The following LAMA2 variants were observed in gnomAD, a reference collection of about 807,000 sequenced individuals.
LAMA2 encodes the protein laminin subunit alpha 2.
LAMA2 carries 269 observed loss-of-function variants against 364.8 expected under a neutral mutation model. The observed-to-expected ratio is 0.74, with a 90% CI of 0.67 to 0.82. The LOEUF is 0.82. Ranked by LOEUF, LAMA2 falls within the 40% of genes least tolerant of loss-of-function variation. The pLI is 0.00. For synonymous variants in LAMA2, 1,379 were observed against 1,370.6 expected (o/e 1.01, Z -0.14); for missense variants, 3,807 against 3,873.2 (o/e 0.98, Z 0.45).
chr6:129,421,423 A>G (rs900370297), intron 40 of LAMA2, among the ~76,000 whole-genome samples: 1 of 152,030 alleles, frequency 6.6e-6, no homozygotes, highest in Non-Finnish European at 1.5e-5. Flanking sequence ...AAGAAACAAA[A>G]TATCTTGCAA....
chr6:129,287,918 A>G lies in LAMA2; in HGVS notation c.2609A>G (p.Asn870Ser), dbSNP rs1322715021. The change falls in exon 19 of 65, where the codon AAC (asparagine) becomes AGC (serine). Residue 870 changes from asparagine (N) to serine (S), a missense_variant. Physicochemically the swap from Asn to Ser is conservative, Grantham distance 46. This residue lies in a region of LAMA2 where 3,333 missense variants were observed against 3,345.7 expected (regional missense o/e 1.00). Transcript: ENST00000421865. ...GSCQPCQCND[N>S]LDFSIPGSCD... is the part of the protein sequence containing the mutation. ...TGTCAGCCATGCCAATGCAATGACA[A>G]CCTTGACTTCTCCATCCCTGGCAGC... 7 of 1,613,954 alleles carry G rather than the reference A, an allele frequency of 4.3e-6. No homozygotes were observed. In the African/African-American group the frequency reaches 6.7e-5, roughly 15 times the overall value.
At chr6:129,058,066 G>A (rs1371275571) in intron 2 of LAMA2, among the ~76,000 whole-genome samples, 1 of 152,214 alleles carries the variant, frequency 6.6e-6, no homozygotes, top group East Asian at 1.9e-4. Context: ...CGACTTTCTA[G>A]TGAGATGTGA....
In LAMA2 at chr6:129,503,277, C is replaced by A. The variant is rs1196380787; in HGVS notation, c.8544C>A (p.His2848Gln). 6.2e-7 allele frequency: 1 copy of A among 1,612,842 alleles called. No individual in the cohort carries two copies. The highest frequency in any genetic ancestry group is 8.5e-7 in the Non-Finnish European group (1 of 1,179,430). ...IPTKINDGQWHKIKIMRSKQE... is the reference protein window; with the variant it reads ...IPTKINDGQWQKIKIMRSKQE... ...CCAAAATCAATGATGGCCAGTGGCA[C>A]AAGGTAATAGTCCCCTGGATATTGG... Residue 2848 changes from histidine to glutamine, a missense_variant, in exon 60 of 65, where the codon CAC becomes CAA. Physicochemically the swap from His to Gln is conservative, Grantham distance 24. Around this residue, in one of 3 missense-constraint regions of LAMA2, gnomAD observed 3,333 missense variants for 3,345.7 expected, o/e 1.00. Coordinates refer to ENST00000421865, the MANE Select transcript of LAMA2 (RefSeq NM_000426.4).
chr6:128,951,199 C>T (rs1440958821), intron 1 of LAMA2, among the ~76,000 whole-genome samples: 5 of 152,118 alleles, frequency 3.3e-5, no homozygotes. Flanking sequence ...TTTCCCTCCA[C>T]TAGCCGTTTG....
intron 54 of LAMA2, among the ~76,000 whole-genome samples, chr6:129,480,037 C>T (rs919349039): frequency 1.8e-4 from 27 of 152,202 alleles, no homozygotes; most frequent in African/African-American, 4.1e-4. Context: ...AGCCTCTGCA[C>T]GTGGAAATTA....
intron 2 of LAMA2, among the ~76,000 whole-genome samples, chr6:129,051,657 TA>T (rs1788033356): frequency 2.5e-5 from 1 of 40,048 alleles, no homozygotes; most frequent in Non-Finnish European, 4.8e-5. Flanking sequence ...ATATTTTACA[TA>T]TCTATAGATC....
At chr6:129,032,800 G>A (rs990078479) in intron 1 of LAMA2, among the ~76,000 whole-genome samples, 3 of 152,098 alleles carry the variant, frequency 2.0e-5, no homozygotes, top group Non-Finnish European at 2.9e-5. Flanking sequence ...TATTTATTTC[G>A]GAGTTAGCAT....
intron 62 of LAMA2, among the ~76,000 whole-genome samples, chr6:129,509,420 T>G (rs938935129): frequency 6.6e-6 from 1 of 152,172 alleles, no homozygotes; most frequent in Non-Finnish European, 1.5e-5. Context: ...ACTCAGGAAG[T>G]CTTTGCCCAT....
At chr6:129,283,386 A>G (rs1019982963) in intron 18 of LAMA2, among the ~76,000 whole-genome samples, 1 of 152,088 alleles carries the variant, frequency 6.6e-6, no homozygotes, top group Admixed American at 6.6e-5. Context: ...TAAGTTTGTA[A>G]CCTCAGCAAC....
intron 1 of LAMA2, among the ~76,000 whole-genome samples, chr6:128,925,991 C>T (rs539245885): frequency 3.3e-5 from 5 of 152,156 alleles, no homozygotes; most frequent in African/African-American, 1.2e-4. Context: ...TGGACTGGGA[C>T]TCTCCATTGG....
intron 1 of LAMA2, among the ~76,000 whole-genome samples, chr6:128,954,315 A>G (rs911069331): frequency 6.6e-6 from 1 of 152,084 alleles, no homozygotes; most frequent in Non-Finnish European, 1.5e-5. Context: ...TTAGATTATA[A>G]TATCTATAGT....
intron 40 of LAMA2, among the ~76,000 whole-genome samples, chr6:129,417,855 A>T (rs1780879115): frequency 6.6e-6 from 1 of 152,154 alleles, no homozygotes. Flanking sequence ...CTTTGCTCTG[A>T]AATCAGCCTG....
intron 10 of LAMA2, 78 bp downstream of exon 10, chr6:129,177,944 G>A (rs958633724): frequency 2.9e-5 from 41 of 1,424,262 alleles, no homozygotes; most frequent in Non-Finnish European, 3.9e-5. Context: ...GATTTCCTTG[G>A]CATTAAGCAA....
chr6:129,437,972 A>T (rs1440234714), intron 41 of LAMA2, among the ~76,000 whole-genome samples: 1 of 151,836 alleles, frequency 6.6e-6, no homozygotes, highest in South Asian at 2.1e-4. Flanking sequence ...TAGAAAACTT[A>T]TATATGTAAT....
intron 2 of LAMA2, 87 bp downstream of exon 2, chr6:129,050,175 T>G: frequency 7.8e-7 from 1 of 1,289,704 alleles, no homozygotes; most frequent in Non-Finnish European, 1.1e-6. Flanking sequence ...AATTCAAGGG[T>G]TTGTAATACT....
chr6:129,437,465 A>G (rs1781889746), intron 41 of LAMA2, among the ~76,000 whole-genome samples: 1 of 151,422 alleles, frequency 6.6e-6, no homozygotes, highest in South Asian at 2.1e-4. Flanking sequence ...GACTAGAACA[A>G]CTTCTCTTTC....
chr6:129,371,692 C>A (rs139517689), intron 34 of LAMA2, among the ~76,000 whole-genome samples: 14 of 151,436 alleles, frequency 9.2e-5, no homozygotes, highest in African/African-American at 3.4e-4. Flanking sequence ...CTGCAACCTC[C>A]GCCTCCCGGG....
intron 34 of LAMA2, among the ~76,000 whole-genome samples, chr6:129,375,518 T>C (rs1394071956): frequency 1.3e-5 from 2 of 152,230 alleles, no homozygotes; most frequent in Non-Finnish European, 2.9e-5. Context: ...ATCCACTGGA[T>C]ACTTATTAAT....
At chr6:129,150,067 G>T (rs1778704544) in intron 7 of LAMA2, among the ~76,000 whole-genome samples, 1 of 151,952 alleles carries the variant, frequency 6.6e-6, no homozygotes, top group Non-Finnish European at 1.5e-5. Context: ...CTTATTTTCT[G>T]CACTCACTTC....
Sources: allele counts gnomAD v4.1 joint callset (sites outside exome capture counted in the v4.1 genomes callset), GRCh38; gene constraint gnomAD v4.1.1; regional missense constraint gnomAD v4.1.1; transcripts MANE v1.5; gene names NCBI Gene and HGNC (gene_info 2026-07-23, HGNC 2026-07-21).